Variants in FSTL5 observed in about 807,000 individuals in gnomAD.
FSTL5 encodes the protein follistatin like 5.
FSTL5 carries 62 observed loss-of-function variants against 89.1 expected under a neutral mutation model. That is an observed-to-expected ratio of 0.70 (90% confidence interval 0.57 to 0.86). FSTL5 has a LOEUF of 0.86. FSTL5 is among the 40% of genes least tolerant of loss of function. FSTL5 has a pLI of 0.00. For synonymous variants in FSTL5, 383 were observed against 346.2 expected, an observed-to-expected ratio of 1.11 and a Z score of -1.18; for missense variants, 1,057 against 1,001.6, an observed-to-expected ratio of 1.06 and a Z score of -0.75.
chr4:161,884,443 G>A (rs1732736305), intron 4 of FSTL5, among the ~76,000 whole-genome samples: 2 of 152,012 alleles, frequency 1.3e-5, no homozygotes, highest in Admixed American at 1.3e-4. Context: ...GGATAACAAA[G>A]GTCTTCCTCC....
chr4:162,119,858 C>T (rs1481152066), intron 1 of FSTL5, among the ~76,000 whole-genome samples: 1 of 152,092 alleles, frequency 6.6e-6, no homozygotes, highest in African/African-American at 2.4e-5. Context: ...TATCCTCCAT[C>T]TCTAGTTTTA....
At chr4:161,838,124 A>G (rs1224905178) in intron 4 of FSTL5, among the ~76,000 whole-genome samples, 2 of 152,220 alleles carry the variant, frequency 1.3e-5, no homozygotes, top group Non-Finnish European at 2.9e-5. Context: ...TACTGAAGCA[A>G]AAAATCAAAA....
At chr4:161,728,555 C>G (rs573876603) in intron 6 of FSTL5, among the ~76,000 whole-genome samples, 128 of 152,104 alleles carry the variant, frequency 8.4e-4, no homozygotes, top group African/African-American at 3.0e-3. Flanking sequence ...TTCGAGGGAA[C>G]ATACATGAGA....
intron 6 of FSTL5, among the ~76,000 whole-genome samples, chr4:161,665,602 CAT>C (rs1448859469): frequency 6.6e-6 from 1 of 152,020 alleles, no homozygotes; most frequent in Non-Finnish European, 1.5e-5. Context: ...GAGTTAGACA[CAT>C]AACTGATTTC....
intron 3 of FSTL5, among the ~76,000 whole-genome samples, chr4:162,001,931 A>G (rs1472090441): frequency 6.6e-6 from 1 of 152,154 alleles, no homozygotes; most frequent in Non-Finnish European, 1.5e-5. Context: ...AGTTATACAG[A>G]GAAAACCTAG....
chr4:161,468,900 T>C (rs1387157852), intron 13 of FSTL5, among the ~76,000 whole-genome samples: 1 of 152,152 alleles, frequency 6.6e-6, no homozygotes. Flanking sequence ...TCATTAGTAT[T>C]TTTTTCATTT....
Position 161,497,552 on chromosome 4 carries a change from A to G in FSTL5, c.1458+2464T>C, listed in dbSNP as rs1257467064. On this transcript the variant is annotated intron_variant, in intron 12 of 15. Transcript: ENST00000306100. Reference sequence around the variant, plus strand: ...AGTTTTCTCCTTTCTTAAAAATGCAACAGGCTTTTCTTTTTAATCCTTTTA... The same window carrying G: ...AGTTTTCTCCTTTCTTAAAAATGCAGCAGGCTTTTCTTTTTAATCCTTTTA... Among the ~76,000 whole-genome samples the G allele has an allele frequency of 3.3e-5, 5 of 152,088 alleles. No individual in the cohort carries two copies. In the East Asian group the frequency reaches 9.6e-4, roughly 29 times the overall value.
intron 15 of FSTL5, among the ~76,000 whole-genome samples, chr4:161,448,489 G>A (rs1733033767): frequency 6.6e-6 from 1 of 152,018 alleles, no homozygotes; most frequent in South Asian, 2.1e-4. Context: ...ATAAAATATG[G>A]GGGAGAATGA....
At chr4:161,766,095 TA>T (rs1217474763) in intron 5 of FSTL5, among the ~76,000 whole-genome samples, 1 of 152,146 alleles carries the variant, frequency 6.6e-6, no homozygotes, top group East Asian at 1.9e-4. Flanking sequence ...CGCCAGCTCC[TA>T]ATATGCATTT....
In FSTL5 at chr4:161,978,683, G is replaced by A. The variant is rs185243292; in HGVS notation, c.160+54942C>T. 9.4e-4 allele frequency among the ~76,000 whole-genome samples: 143 copies of A among 151,880 alleles called. 2 individuals carry two copies. The highest frequency in any genetic ancestry group is 1.0e-3 in the Admixed American group (16 of 15,246). On this transcript the variant is annotated intron_variant, in intron 3 of 15. Coordinates refer to ENST00000306100, the MANE Select transcript of FSTL5 (RefSeq NM_020116.5). Reference sequence around the variant, plus strand: ...AATACACTTTAAATTTCACCATTACGGCTCCCTAGTTTCTGTAGTATAATC... The same window carrying A: ...AATACACTTTAAATTTCACCATTACAGCTCCCTAGTTTCTGTAGTATAATC...
chr4:161,911,984 C>A (rs1316993102), intron 4 of FSTL5, among the ~76,000 whole-genome samples: 5 of 152,078 alleles, frequency 3.3e-5, no homozygotes, highest in Non-Finnish European at 7.4e-5. Flanking sequence ...TTTTCCTATG[C>A]TCTGTGAAAT....
Position 161,775,942 on chromosome 4 carries a change from T to A in FSTL5, c.542A>T (p.Asp181Val). The change falls in exon 5 of 16, where the codon GAT (aspartate) becomes GTT (valine). Residue 181 changes from aspartate to valine, a missense_variant. Physicochemically the swap from Asp to Val is radical, Grantham distance 152 (BLOSUM62 -3). This residue lies in a region of FSTL5 where 980 missense variants were observed against 903.2 expected (regional missense o/e 1.08). Transcript: ENST00000306100. ...TGCATCAAAATATTTAAACATTTGA[T>A]CCACCAATAGCTTCTTCCGAGATAT... ...DDISRKKLLV[D>V]QMFKYFDADS... is the part of the protein sequence containing the mutation. The A allele has an allele frequency of 6.2e-7, 1 of 1,606,650 alleles. No homozygotes were observed. Among genetic ancestry groups the A allele is most frequent in the East Asian group, 2.2e-5 (1 of 44,526 alleles).
chr4:161,547,267 G>A (rs1732039086), intron 8 of FSTL5, among the ~76,000 whole-genome samples: 1 of 151,984 alleles, frequency 6.6e-6, no homozygotes, highest in South Asian at 2.1e-4. Context: ...AAGAGATTGT[G>A]CCAGGATCAC....
chr4:161,975,048 A>G (rs1393153913), intron 3 of FSTL5, among the ~76,000 whole-genome samples: 5 of 135,550 alleles, frequency 3.7e-5, no homozygotes, highest in Admixed American at 7.5e-5. Context: ...CAAAACCACA[A>G]TGAGATACCA....
intron 8 of FSTL5, among the ~76,000 whole-genome samples, chr4:161,570,328 C>T (rs1388355851): frequency 1.3e-5 from 2 of 151,996 alleles, no homozygotes; most frequent in African/African-American, 2.4e-5. Context: ...GGAGATCTGG[C>T]GAAGAATCTT....
At chr4:161,784,547 A>C (rs915331301) in intron 4 of FSTL5, among the ~76,000 whole-genome samples, 2 of 152,134 alleles carry the variant, frequency 1.3e-5, no homozygotes, top group Non-Finnish European at 2.9e-5. Flanking sequence ...CACATCATTC[A>C]AATATGTGAC....
chr4:161,579,148 C>A (rs180855498), intron 8 of FSTL5, among the ~76,000 whole-genome samples: 2 of 151,914 alleles, frequency 1.3e-5, no homozygotes, highest in South Asian at 2.1e-4. Context: ...TTATAACATA[C>A]GTAGAAGTTA....
chr4:161,961,858 T>A (rs1214633783), intron 3 of FSTL5, among the ~76,000 whole-genome samples: 1 of 151,684 alleles, frequency 6.6e-6, no homozygotes, highest in Non-Finnish European at 1.5e-5. Context: ...ATGTATTACA[T>A]GACCAAAAGC....
At chr4:162,102,421 T>A (rs1202103529) in intron 2 of FSTL5, among the ~76,000 whole-genome samples, 1 of 151,146 alleles carries the variant, frequency 6.6e-6, no homozygotes, top group Non-Finnish European at 1.5e-5. Context: ...ACGTGTATAG[T>A]ATATTAAAGC....
Sources: allele counts gnomAD v4.1 joint callset (sites outside exome capture counted in the v4.1 genomes callset), GRCh38; gene constraint gnomAD v4.1.1; regional missense constraint gnomAD v4.1.1; transcripts MANE v1.5; gene names NCBI Gene and HGNC (gene_info 2026-07-23, HGNC 2026-07-21).